The following ZSCAN20 variants were observed in gnomAD, a reference collection of about 807,000 sequenced individuals.
ZSCAN20 encodes zinc finger and SCAN domain containing 20.
In ZSCAN20, 39 loss-of-function variants were observed where a neutral mutation model predicts 97.1. The ratio of observed to expected loss-of-function variants is 0.40; its 90% CI spans 0.31 to 0.52. ZSCAN20 has a LOEUF of 0.52. ZSCAN20 is among the 20% of genes least tolerant of loss of function. The probability of loss-of-function intolerance (pLI) is 0.49; values close to 1 mark genes in which losing one functional copy is unlikely to be tolerated. For missense variants in ZSCAN20, 1,115 were observed against 1,290.4 expected (o/e 0.86, Z 2.08); for synonymous variants, 456 against 467.3 (o/e 0.98, Z 0.31).
Position 33,495,768 on chromosome 1 carries a change from C to T in ZSCAN20, c.*292C>T, listed in dbSNP as rs41265907. ...GTATTTGAGCCAAACTGGCAACTTA[C>T]GAGATTAGAGTTAAATCAGTGGTCC... is the stretch of plus-strand genomic sequence containing the variant. On this transcript the variant is annotated 3_prime_UTR_variant, in exon 8 of 8. Coordinates refer to ENST00000684572, the MANE Select transcript of ZSCAN20 (RefSeq NM_001377376.1). The T allele has an allele frequency of 3.9e-5, 9 of 233,650 alleles. No homozygotes were observed. Among genetic ancestry groups the T allele is most frequent in the East Asian group, 8.1e-5 (1 of 12,360 alleles). The allele number at this position is 233,650 out of a possible 1,614,324, so 14.5% of individuals were successfully genotyped here.
intron 2 of ZSCAN20, among the ~76,000 whole-genome samples, chr1:33,482,538 T>C (rs1342486074): frequency 6.6e-6 from 1 of 152,242 alleles, no homozygotes; most frequent in African/African-American, 2.4e-5. Flanking sequence ...TAAATATTCA[T>C]ATGCAGGTTT....
chr1:33,493,707 AAGAG>A lies in ZSCAN20; in HGVS notation c.1873+96_1873+99del. On this transcript the variant is annotated intron_variant, in intron 7 of 7. Transcript: ENST00000684572. The surrounding 1 kb of genome is among the most constrained non-coding windows in gnomAD (Gnocchi z 4.3). ...TCATTATCTTTTGTCTCTTAACTAA[AAGAG>A]AGAATGGGATTGAATGGGAAAAAGT... The A allele has an allele frequency of 2.2e-6, 3 of 1,354,168 alleles. No homozygotes were observed. The highest frequency in any genetic ancestry group is 3.0e-6 in the Non-Finnish European group (3 of 1,003,004). The allele number at this position is 1,354,168 out of a possible 1,614,324, so 83.9% of individuals were successfully genotyped here.
chr1:33,490,684 C>CACACACA (rs57345949), intron 5 of ZSCAN20, among the ~76,000 whole-genome samples: 3,995 of 127,844 alleles, frequency 0.031, 83 homozygotes, highest in African/African-American at 0.062. Context: ...CACACACACA[C>CACACACA]CACACACCCT....
intron 1 of ZSCAN20, among the ~76,000 whole-genome samples, chr1:33,476,636 T>G (rs1370863988): frequency 1.3e-5 from 2 of 152,222 alleles, no homozygotes; most frequent in Non-Finnish European, 2.9e-5. Context: ...GCTGGTACTC[T>G]ATAAATGATT....
In ZSCAN20 at chr1:33,495,343, C is replaced by G; in HGVS notation, c.2999C>G (p.Ser1000Cys). ...TGTGGGAAATGCTTTAACCAGAGCTCCAGTCTTATTATTCACCAGAGAATC... is the reference window on the plus strand; with the variant it reads ...TGTGGGAAATGCTTTAACCAGAGCTGCAGTCTTATTATTCACCAGAGAATC... ...RECGKCFNQS[S>C]SLIIHQRIHT... is the part of the protein sequence containing the mutation. Residue 1000 changes from serine (S) to cysteine (C), a missense_variant, in exon 8 of 8, where the codon TCC becomes TGC. This residue lies in a region of ZSCAN20 where 554 missense variants were observed against 584.9 expected (regional missense o/e 0.95). Transcript: ENST00000684572. 3 of 1,613,218 alleles carry G rather than the reference C, an allele frequency of 1.9e-6. No individual in the cohort carries two copies. The highest frequency in any genetic ancestry group is 2.5e-6 in the Non-Finnish European group (3 of 1,179,538).
At position 33,493,648 on chromosome 1, in the gene ZSCAN20, C is replaced by T. The variant is rs1236809295; in HGVS notation, c.1873+33C>T. 2.0e-6 allele frequency: 3 copies of T among 1,517,896 alleles called. No homozygotes were observed. The African/African-American group carries it at 4.2e-5, about 21-fold the overall frequency. The allele number at this position is 1,517,896 out of a possible 1,614,324, so 94.0% of individuals were successfully genotyped here. ...TGGAGTAATTGGATGTTCTCAAAATCTGTGGGCATGTGGAGAGAATGAGGA... is the reference window on the plus strand; with the variant it reads ...TGGAGTAATTGGATGTTCTCAAAATTTGTGGGCATGTGGAGAGAATGAGGA... On this transcript the variant is annotated intron_variant, in intron 7 of 7. Coordinates refer to ENST00000684572, the MANE Select transcript of ZSCAN20 (RefSeq NM_001377376.1). The surrounding 1 kb of genome is among the most constrained non-coding windows in gnomAD (Gnocchi z 4.3).
At chr1:33,487,946 C>T (rs1652434712) in intron 2 of ZSCAN20, among the ~76,000 whole-genome samples, 1 of 152,048 alleles carries the variant, frequency 6.6e-6, no homozygotes, top group Admixed American at 6.5e-5. Context: ...GCCACTGCAC[C>T]CAGCCTCCAT....
rs558806514 is a variant in ZSCAN20, at chr1:33,487,988, T to A, written c.418-477T>A. 3.3e-5 allele frequency among the ~76,000 whole-genome samples: 5 copies of A among 152,284 alleles called. No individual in the cohort carries two copies. The East Asian group carries it at 9.6e-4, about 29-fold the overall frequency. On this transcript the variant is annotated intron_variant, in intron 2 of 7. Coordinates refer to ENST00000684572, the MANE Select transcript of ZSCAN20 (RefSeq NM_001377376.1). The stretch of plus-strand genomic sequence containing the variant: ...TTCTTTGTCCTTTTTAAAAATTTTA[T>A]TTTAAAAATATCTTTCTCTTTCAGC...
chr1:33,489,786 G>A (rs1028135415), intron 5 of ZSCAN20, among the ~76,000 whole-genome samples, 184 bp downstream of exon 5: 2 of 152,130 alleles, frequency 1.3e-5, no homozygotes, highest in African/African-American at 2.4e-5. Flanking sequence ...CCTGGAGACG[G>A]GGTGGCAGGA....
At chr1:33,477,369 C>G (rs1304881989) in intron 1 of ZSCAN20, among the ~76,000 whole-genome samples, 1 of 152,144 alleles carries the variant, frequency 6.6e-6, no homozygotes, top group African/African-American at 2.4e-5. Flanking sequence ...TCTCCATTCT[C>G]AATTCAGTTG....
chr1:33,473,055 C>T (rs1385439844), intron 1 of ZSCAN20, among the ~76,000 whole-genome samples: 1 of 151,996 alleles, frequency 6.6e-6, no homozygotes, highest in African/African-American at 2.4e-5. Flanking sequence ...GAGCTTGAAG[C>T]CCGACCTTAA....
At position 33,495,135 on chromosome 1, in the gene ZSCAN20, T is replaced by C; in HGVS notation, c.2791T>C (p.Tyr931His). ...HQRTHTGEKP[Y>H]KCVDCGKCFS... ...GCGCACCCACACTGGAGAGAAGCCG[T>C]ATAAATGTGTGGACTGTGGGAAGTG... Residue 931 changes from tyrosine to histidine, a missense_variant, in exon 8 of 8, where the codon TAT becomes CAT. Coordinates refer to ENST00000684572, the MANE Select transcript of ZSCAN20 (RefSeq NM_001377376.1). 1 of 1,613,912 alleles carries C rather than the reference T, an allele frequency of 6.2e-7. No homozygotes were observed. Among genetic ancestry groups the C allele is most frequent in the Non-Finnish European group, 8.5e-7 (1 of 1,179,914 alleles).
At position 33,497,405 on chromosome 1, in the gene ZSCAN20, G is replaced by T. The variant is rs934591020; in HGVS notation, c.*1929G>T. On this transcript the variant is annotated 3_prime_UTR_variant, in exon 8 of 8. Coordinates refer to ENST00000684572, the MANE Select transcript of ZSCAN20 (RefSeq NM_001377376.1). ...GTGAGCTGAGAGGAAGGATCCTGAG[G>T]TGAGGGAGAGGGAGGGAATTCCAGG... Among the ~76,000 whole-genome samples the T allele has an allele frequency of 1.3e-5, 2 of 152,198 alleles. No individual in the cohort carries two copies. The highest frequency in any genetic ancestry group is 4.8e-5 in the African/African-American group (2 of 41,448).
chr1:33,494,449 G>A lies in ZSCAN20; in HGVS notation c.2105G>A (p.Gly702Asp), dbSNP rs1393096474. ...EDLEKLIDHQGLYLAEKPYKC... is the reference protein window; with the variant it reads ...EDLEKLIDHQDLYLAEKPYKC... ...TTAGAAAAACTTATTGACCATCAAG[G>A]CCTGTACCTTGCAGAGAAACCCTAC... The change falls in exon 8 of 8, where the codon GGC becomes GAC. Residue 702 changes from glycine (G) to aspartate (D), a missense_variant. By Grantham distance (94) the Gly-to-Asp change is moderately conservative. Coordinates refer to ENST00000684572, the MANE Select transcript of ZSCAN20 (RefSeq NM_001377376.1). 2 of 1,614,022 alleles carry A rather than the reference G, an allele frequency of 1.2e-6. No individual in the cohort carries two copies.
chr1:33,475,181 T>A (rs755240339), intron 1 of ZSCAN20, among the ~76,000 whole-genome samples: 23 of 152,198 alleles, frequency 1.5e-4, no homozygotes. Context: ...AGAAAAATGA[T>A]TGGAGAAAAG....
chr1:33,490,873 T>G (rs1386452862), intron 5 of ZSCAN20, 152 bp from the exon 6 acceptor site: 1 of 660,934 alleles, frequency 1.5e-6, no homozygotes, highest in African/African-American at 1.8e-5. Context: ...TTACCTCTTC[T>G]CTCTCCCTAT....
In ZSCAN20 at chr1:33,499,995, T is replaced by A. The variant is rs368701903; in HGVS notation, c.*4519T>A. Among the ~76,000 whole-genome samples the A allele has an allele frequency of 3.9e-5, 6 of 152,072 alleles. No individual in the cohort carries two copies. The East Asian group carries it at 7.8e-4, about 20-fold the overall frequency. ...GGGTTAGTGTTCCATGCAGTGGGAG[T>A]GCAGGGAAGGCTTTACAGGAGAGGA... On this transcript the variant is annotated 3_prime_UTR_variant, in exon 8 of 8. Transcript: ENST00000684572.
intron 4 of ZSCAN20, 158 bp from the exon 5 acceptor site, chr1:33,489,360 C>A: frequency 1.0e-6 from 1 of 980,680 alleles, no homozygotes; most frequent in Non-Finnish European, 1.5e-6. Flanking sequence ...CATCCCCAAA[C>A]ACATGTATGT....
At chr1:33,483,421 A>G (rs564457644) in intron 2 of ZSCAN20, among the ~76,000 whole-genome samples, 3 of 152,250 alleles carry the variant, frequency 2.0e-5, no homozygotes, top group African/African-American at 7.2e-5. Context: ...TCTTTTGCCA[A>G]TACCACACTG....
Sources: gnomAD v4.1 joint callset for allele counts (sites outside exome capture counted in the v4.1 genomes callset) on GRCh38, gnomAD v4.1.1 for gene constraint, gnomAD v4.1.1 regional missense constraint, Gnocchi (gnomAD v3.1) non-coding constraint, MANE v1.5 for transcripts, NCBI Gene and HGNC (gene_info 2026-07-23, HGNC 2026-07-21) for gene names.